The following CNTN5 variants were observed in gnomAD, a reference collection of about 807,000 sequenced individuals.
The protein encoded by CNTN5 is contactin 5.
Under a neutral mutation model 129.1 loss-of-function variants are expected in CNTN5, and 77 were observed. That is an observed-to-expected ratio of 0.60 (90% CI 0.50 to 0.72). The LOEUF (loss-of-function observed/expected upper bound fraction) is 0.72, where lower values mean the gene tolerates loss of function less well. CNTN5 is among the 30% of genes least tolerant of loss of function. The pLI, the probability that CNTN5 is intolerant of heterozygous loss-of-function variation, is 0.00. For missense variants in CNTN5, 1,478 were observed against 1,328.8 expected, an observed-to-expected ratio of 1.11 and a Z score of -1.75; for synonymous variants, 509 against 465.6, an observed-to-expected ratio of 1.09 and a Z score of -1.20.
At chr11:99,466,316 C>T (rs558282075) in intron 2 of CNTN5, among the ~76,000 whole-genome samples, 2 of 152,122 alleles carry the variant, frequency 1.3e-5, no homozygotes, top group African/African-American at 2.4e-5. Flanking sequence ...TATTACAATT[C>T]GACATGAGAT....
At chr11:100,144,244 G>A (rs1317165378) in intron 13 of CNTN5, among the ~76,000 whole-genome samples, 2 of 151,924 alleles carry the variant, frequency 1.3e-5, no homozygotes, top group East Asian at 3.9e-4. Context: ...TTTATATTCA[G>A]TGGGTACATG....
At chr11:100,334,116 A>G (rs958392002) in intron 21 of CNTN5, among the ~76,000 whole-genome samples, 3 of 152,178 alleles carry the variant, frequency 2.0e-5, no homozygotes, top group African/African-American at 7.2e-5. Flanking sequence ...AAAAGTGGGC[A>G]AAGAACATGA....
chr11:100,273,573 C>A (rs1302287326), intron 18 of CNTN5, among the ~76,000 whole-genome samples: 1 of 152,062 alleles, frequency 6.6e-6, no homozygotes, highest in Non-Finnish European at 1.5e-5. Flanking sequence ...GAGAAGGCAC[C>A]CAGACCTGCA....
At chr11:99,797,154 G>A (rs1011778974) in intron 3 of CNTN5, among the ~76,000 whole-genome samples, 2 of 152,032 alleles carry the variant, frequency 1.3e-5, no homozygotes, top group Admixed American at 6.6e-5. Flanking sequence ...ATCCACCATC[G>A]ATGTGCAGTT....
chr11:99,788,385 G>T (rs1945613937), intron 3 of CNTN5, among the ~76,000 whole-genome samples: 2 of 151,882 alleles, frequency 1.3e-5, no homozygotes, highest in Admixed American at 1.3e-4. Flanking sequence ...GCTCTTAGAG[G>T]TGAACACGCT....
intron 2 of CNTN5, among the ~76,000 whole-genome samples, chr11:99,407,640 G>A (rs1942138877): frequency 6.6e-6 from 1 of 152,160 alleles, no homozygotes; most frequent in Non-Finnish European, 1.5e-5. Context: ...ACTCACCTAG[G>A]TGTTACAGTT....
chr11:99,529,099 C>T (rs2135462247), intron 2 of CNTN5, among the ~76,000 whole-genome samples: 1 of 151,368 alleles, frequency 6.6e-6, no homozygotes, highest in South Asian at 2.1e-4. Context: ...ACAAACAAAA[C>T]CACAAAAAAG....
At chr11:99,156,038 C>A (rs941291244) in intron 1 of CNTN5, among the ~76,000 whole-genome samples, 6 of 151,870 alleles carry the variant, frequency 4.0e-5, no homozygotes, top group Non-Finnish European at 7.4e-5. Flanking sequence ...AAAAAGTTCT[C>A]AATAACCAAA....
At position 99,348,333 on chromosome 11, in the gene CNTN5, C is replaced by T. The variant is rs569691014; in HGVS notation, c.-71+22849C>T. ...CAGCCTGGGCGACAGAGCGAGACTC[C>T]GTCCCCCCCAAAAAAATACACTAGA... On this transcript the variant is annotated intron_variant, in intron 2 of 24. Transcript: ENST00000524871. Among the ~76,000 whole-genome samples, 14 of 152,176 alleles carry T rather than the reference C, an allele frequency of 9.2e-5. No homozygotes were observed. The East Asian group carries it at 1.9e-3, about 21-fold the overall frequency.
intron 3 of CNTN5, among the ~76,000 whole-genome samples, chr11:99,609,940 G>A (rs910485169): frequency 3.9e-5 from 6 of 152,064 alleles, no homozygotes; most frequent in Non-Finnish European, 8.8e-5. Flanking sequence ...TGTTCTATGT[G>A]CCAGGCACTA....
intron 3 of CNTN5, among the ~76,000 whole-genome samples, chr11:99,751,152 C>A (rs1286700802): frequency 6.6e-6 from 1 of 152,088 alleles, no homozygotes; most frequent in Non-Finnish European, 1.5e-5. Context: ...GCCTGACCAA[C>A]ATAGTGAAAT....
intron 13 of CNTN5, among the ~76,000 whole-genome samples, chr11:100,074,820 A>AAT (rs1322319149): frequency 1.3e-5 from 2 of 152,166 alleles, no homozygotes; most frequent in African/African-American, 4.8e-5. Context: ...AGGAATATTT[A>AAT]ATATGTAAAC....
At chr11:99,287,478 C>T (rs902060496) in intron 1 of CNTN5, among the ~76,000 whole-genome samples, 1 of 152,026 alleles carries the variant, frequency 6.6e-6, no homozygotes, top group African/African-American at 2.4e-5. Context: ...AGACCAACAG[C>T]TTACAGGCAG....
intron 12 of CNTN5, 37 bp downstream of exon 12, chr11:100,071,871 A>G (rs1943936197): frequency 6.5e-7 from 1 of 1,528,664 alleles, no homozygotes; most frequent in Non-Finnish European, 8.7e-7. Context: ...GAAAAAAAAA[A>G]CCTTGCTTCT....
chr11:99,646,847 G>T (rs1591417099), intron 3 of CNTN5, among the ~76,000 whole-genome samples: 1 of 148,214 alleles, frequency 6.7e-6, no homozygotes, highest in Non-Finnish European at 1.5e-5. Flanking sequence ...CCCTAGACTT[G>T]CTATTCAGAT....
intron 6 of CNTN5, among the ~76,000 whole-genome samples, chr11:99,892,803 C>T (rs1017489722): frequency 1.3e-5 from 2 of 152,080 alleles, no homozygotes; most frequent in African/African-American, 4.8e-5. Context: ...ATTGCCTTGG[C>T]TATGTGGGCT....
At chr11:100,163,786 G>A (rs894311599) in intron 13 of CNTN5, among the ~76,000 whole-genome samples, 1 of 151,686 alleles carries the variant, frequency 6.6e-6, no homozygotes, top group African/African-American at 2.4e-5. Flanking sequence ...ACCTCATTAG[G>A]ACCTTCCATT....
Position 100,044,280 on chromosome 11 carries a change from T to C in CNTN5, c.981-16932T>C, listed in dbSNP as rs544940459. Among the ~76,000 whole-genome samples the C allele has an allele frequency of 8.5e-5, 13 of 152,210 alleles. No individual in the cohort carries two copies. The South Asian group carries it at 1.2e-3, about 15-fold the overall frequency. ...ATCTTTGTTATTGTCAACAGTCCCGTGATAAACATATGAGTGCAGGTATAT... is the reference window on the plus strand; with the variant it reads ...ATCTTTGTTATTGTCAACAGTCCCGCGATAAACATATGAGTGCAGGTATAT... On this transcript the variant is annotated intron_variant, in intron 9 of 24. Transcript: ENST00000524871.
At chr11:99,211,976 A>C (rs1201217546) in intron 1 of CNTN5, among the ~76,000 whole-genome samples, 1 of 152,184 alleles carries the variant, frequency 6.6e-6, no homozygotes, top group Non-Finnish European at 1.5e-5. Flanking sequence ...AATGTGTTAC[A>C]AAAAAATGCT....
Sources: gnomAD v4.1 joint callset for allele counts (sites outside exome capture counted in the v4.1 genomes callset) on GRCh38, gnomAD v4.1.1 for gene constraint, MANE v1.5 for transcripts, NCBI Gene and HGNC (gene_info 2026-07-23, HGNC 2026-07-21) for gene names.